Variants in ADAM32 observed in about 807,000 individuals in gnomAD.
ADAM32 encodes disintegrin and metalloproteinase domain-containing protein 32.
Under a neutral mutation model 114.9 loss-of-function variants are expected in ADAM32, and 89 were observed. That is an observed-to-expected ratio of 0.77 (90% confidence interval 0.65 to 0.92). The LOEUF is 0.92. ADAM32 is among the 40% of genes least tolerant of loss of function. ADAM32 has a pLI of 0.00. For synonymous variants in ADAM32, 285 were observed against 307.5 expected (o/e 0.93, Z 0.77); for missense variants, 870 against 932.8 (o/e 0.93, Z 0.88).
chr8:39,218,237 T>C (rs1453081023), intron 12 of ADAM32, among the ~76,000 whole-genome samples: 1 of 152,196 alleles, frequency 6.6e-6, no homozygotes, highest in Non-Finnish European at 1.5e-5. Flanking sequence ...TCTTTCTTTC[T>C]GTGCTGACTG....
At chr8:39,232,176 A>G (rs760445329) in intron 15 of ADAM32, 41 bp downstream of exon 15, 1 of 1,497,524 alleles carries the variant, frequency 6.7e-7, no homozygotes, top group Middle Eastern at 1.9e-4. Context: ...CTTATATTCT[A>G]TTAGATTTTT....
rs189147085 is a variant in ADAM32 at position 39,243,661 on chromosome 8, G to A, written c.1819-2422G>A. ...AATAAAGGCTGTATATGCCAAAGCC[G>A]CAGACAACATTGTACTGAATAGGGA... On this transcript the variant is annotated intron_variant, in intron 16 of 24. Coordinates refer to ENST00000379907, the MANE Select transcript of ADAM32 (RefSeq NM_145004.7). Among the ~76,000 whole-genome samples, 113 of 152,250 alleles carry A rather than the reference G, an allele frequency of 7.4e-4. 1 individual carries two copies. Among genetic ancestry groups the A allele is most frequent in the African/African-American group, 1.3e-3 (53 of 41,546 alleles).
At position 39,203,238 on chromosome 8, in the gene ADAM32, A is replaced by G. The variant is rs993467915; in HGVS notation, c.1053-7906A>G. Among the ~76,000 whole-genome samples, 18 of 152,156 alleles carry G rather than the reference A, an allele frequency of 1.2e-4. 1 individual carries two copies. ...TCTAATGTTGACAATGGGGTGTTAA[A>G]GTCTCCCATTATTATTGTGTGGGAG... On this transcript the variant is annotated intron_variant, in intron 11 of 24. Transcript: ENST00000379907.
intron 11 of ADAM32, among the ~76,000 whole-genome samples, chr8:39,188,865 G>A (rs142395090): frequency 8.5e-4 from 129 of 152,136 alleles, no homozygotes; most frequent in African/African-American, 2.8e-3. Context: ...TCTAATAATA[G>A]CACACGTGTA....
chr8:39,116,890 CT>C (rs35222823), intron 1 of ADAM32, among the ~76,000 whole-genome samples: 2,824 of 147,654 alleles, frequency 0.019, 103 homozygotes, highest in African/African-American at 0.064. Context: ...ATTATGGTTA[CT>C]TTTTTTTTTT....
At chr8:39,130,979 CAG>C (rs1236170647) in intron 2 of ADAM32, 1 of 276,726 alleles carries the variant, frequency 3.6e-6, no homozygotes, top group Admixed American at 5.0e-5. Context: ...TTTTTTGAGA[CAG>C]AGTCTTGCTC....
intron 11 of ADAM32, among the ~76,000 whole-genome samples, chr8:39,208,254 C>A (rs1489473470): frequency 6.6e-6 from 1 of 151,956 alleles, no homozygotes; most frequent in African/African-American, 2.4e-5. Context: ...TTTGATAATA[C>A]CCACTTTTTG....
intron 11 of ADAM32, among the ~76,000 whole-genome samples, chr8:39,188,747 C>G (rs1303803286): frequency 6.6e-6 from 1 of 152,070 alleles, no homozygotes; most frequent in African/African-American, 2.4e-5. Flanking sequence ...TATTAGTAAA[C>G]CTTTAAGTTC....
intron 2 of ADAM32, among the ~76,000 whole-genome samples, chr8:39,123,379 A>G (rs1183079527): frequency 6.6e-6 from 1 of 152,130 alleles, no homozygotes; most frequent in South Asian, 2.1e-4. Flanking sequence ...AAATACCTCT[A>G]TGATCACATT....
Position 39,158,066 on chromosome 8 carries a change from G to A in ADAM32, c.526-2831G>A, listed in dbSNP as rs112147881. 926 of 250,082 alleles carry A rather than the reference G, an allele frequency of 3.7e-3. 5 individuals are homozygous for A. Among genetic ancestry groups the A allele is most frequent in the African/African-American group, 0.019 (840 of 44,394 alleles). 15.5% of individuals were successfully genotyped at this position (250,082 alleles called of 1,614,324 possible). A position where few individuals can be genotyped will look rare whatever the true frequency, so the allele number is the denominator to read the frequency against. On this transcript the variant is annotated intron_variant, in intron 6 of 24. Transcript: ENST00000379907. ...TTGTAGCCTTTGCCCTTGGTCACCCGTTTGATGTCAATCATCTTGTCCTGC... is the reference window on the plus strand; with the variant it reads ...TTGTAGCCTTTGCCCTTGGTCACCCATTTGATGTCAATCATCTTGTCCTGC...
chr8:39,274,125 G>A (rs566420145), intron 20 of ADAM32, among the ~76,000 whole-genome samples, 187 bp from the exon 21 acceptor site: 1 of 152,208 alleles, frequency 6.6e-6, no homozygotes, highest in South Asian at 2.1e-4. Context: ...TGTGGATGAG[G>A]TATATGGGTA....
intron 6 of ADAM32, chr8:39,157,614 G>T: frequency 1.8e-6 from 1 of 565,516 alleles, no homozygotes; most frequent in South Asian, 1.5e-5. Flanking sequence ...GTTTGGAAGC[G>T]GCCATGGCCA....
chr8:39,266,357 T>A (rs1046208067), intron 19 of ADAM32, among the ~76,000 whole-genome samples: 2 of 152,214 alleles, frequency 1.3e-5, no homozygotes, highest in African/African-American at 4.8e-5. Flanking sequence ...TTTGTTCATT[T>A]AAAAAATTAT....
chr8:39,177,102 C>T (rs1432918033), intron 10 of ADAM32, among the ~76,000 whole-genome samples: 2 of 151,248 alleles, frequency 1.3e-5, no homozygotes, highest in Non-Finnish European at 2.9e-5. Context: ...CTCTGTTGCC[C>T]AGGCTGGAGT....
intron 2 of ADAM32, among the ~76,000 whole-genome samples, chr8:39,136,246 T>C (rs1361286842): frequency 2.6e-5 from 4 of 152,196 alleles, no homozygotes; most frequent in Non-Finnish European, 5.9e-5. Flanking sequence ...GAACAGACAA[T>C]ACATCTTAGG....
intron 11 of ADAM32, among the ~76,000 whole-genome samples, chr8:39,195,749 C>T (rs901773551): frequency 2.0e-5 from 3 of 152,170 alleles, no homozygotes; most frequent in African/African-American, 7.2e-5. Context: ...TATTCTGTTT[C>T]ATTGCTCTGT....
chr8:39,210,226 T>C (rs574506629), intron 11 of ADAM32, among the ~76,000 whole-genome samples: 1 of 152,108 alleles, frequency 6.6e-6, no homozygotes, highest in Non-Finnish European at 1.5e-5. Context: ...TCAGGCAAAG[T>C]CCCATGCACA....
intron 19 of ADAM32, among the ~76,000 whole-genome samples, chr8:39,269,918 CAGAAGGCGAAGGGGA>C (rs1381281881): frequency 1.3e-5 from 2 of 152,186 alleles, no homozygotes; most frequent in Non-Finnish European, 2.9e-5. Flanking sequence ...GCAATCATGG[CAGAAGGCGAAGGGGA>C]AGCAAGGCAC....
intron 12 of ADAM32, among the ~76,000 whole-genome samples, chr8:39,218,860 A>C (rs769869332): frequency 1.3e-5 from 2 of 151,926 alleles, no homozygotes; most frequent in African/African-American, 4.8e-5. Flanking sequence ...GCTCTACCCC[A>C]CTGTGGTAGA....
Sources: allele counts gnomAD v4.1 joint callset (sites outside exome capture counted in the v4.1 genomes callset), GRCh38; gene constraint gnomAD v4.1.1; transcripts MANE v1.5; gene names NCBI Gene and HGNC (gene_info 2026-07-23, HGNC 2026-07-21).